The following ADGRE3 variants were observed in gnomAD, a reference collection of about 807,000 sequenced individuals.
ADGRE3 encodes EGF-like module receptor 3.
A neutral mutation model predicts 80.1 loss-of-function variants in ADGRE3; 88 were observed. That is an observed-to-expected ratio of 1.10 (90% CI 0.93 to 1.31). ADGRE3 has a LOEUF of 1.31. ADGRE3 is among the 40% of genes most tolerant of loss of function. ADGRE3 has a pLI of 0.00. For missense variants in ADGRE3, 715 were observed against 776.5 expected (o/e 0.92, Z 0.94); for synonymous variants, 281 against 294.8 (o/e 0.95, Z 0.48).
intron 13 of ADGRE3, among the ~76,000 whole-genome samples, chr19:14,630,932 C>T (rs1391130488): frequency 6.6e-6 from 1 of 151,862 alleles, no homozygotes; most frequent in Non-Finnish European, 1.5e-5. Flanking sequence ...GCTCTGTGGC[C>T]CAGGCTGGAG....
chr19:14,609,565 C>T, the ADGRE3 span, among the ~76,000 whole-genome samples: 93 of 152,210 alleles, frequency 6.1e-4, no homozygotes, highest in African/African-American at 2.2e-3. Context: ...GGGCCAGGCA[C>T]GGTGGCTCGT....
chr19:14,605,245 G>A, the ADGRE3 span, among the ~76,000 whole-genome samples: 1 of 152,030 alleles, frequency 6.6e-6, no homozygotes, highest in Non-Finnish European at 1.5e-5. Flanking sequence ...ATACAGGCAT[G>A]ACACCACGCC....
At chr19:14,645,047 G>T (rs1160119155) in intron 8 of ADGRE3, among the ~76,000 whole-genome samples, 1 of 152,006 alleles carries the variant, frequency 6.6e-6, no homozygotes, top group South Asian at 2.1e-4. Context: ...CGGCCACCAG[G>T]ACCCCCGATC....
At chr19:14,601,379 A>C in the ADGRE3 span, among the ~76,000 whole-genome samples, 16,907 of 152,266 alleles carry the variant, frequency 0.11, 1,070 homozygotes, top group African/African-American at 0.16. Context: ...CCGTGCAACC[A>C]GAAGGAGGAT....
At chr19:14,611,371 C>CT in the ADGRE3 span, among the ~76,000 whole-genome samples, 5,047 of 75,786 alleles carry the variant, frequency 0.067, 192 homozygotes, top group Non-Finnish European at 0.086. Context: ...AACTTCTATC[C>CT]TTTTTTTTTT....
intron 9 of ADGRE3, 60 bp downstream of exon 9, chr19:14,644,048 T>C: frequency 9.0e-7 from 1 of 1,111,304 alleles, no homozygotes; most frequent in Non-Finnish European, 1.2e-6. Flanking sequence ...ATAGCACTTA[T>C]TACCACTTAG....
chr19:14,630,079 C>T lies in ADGRE3; in HGVS notation c.1772G>A (p.Gly591Asp), dbSNP rs779680624. The change falls in exon 14 of 16, where the codon GGC becomes GAC. Residue 591 changes from glycine to aspartate, a missense_variant. By Grantham distance (94) the Gly-to-Asp change is moderately conservative. Transcript: ENST00000253673. ...YLFTIINSLQ[G>D]FFIFLVYCLL... ...GCAGTAGACCAAGAAGATGAAGAAGCCTTGGAGGCTGTTGATGATGGTGAA... is the reference window on the plus strand; with the variant it reads ...GCAGTAGACCAAGAAGATGAAGAAGTCTTGGAGGCTGTTGATGATGGTGAA... 3.7e-6 allele frequency: 6 copies of T among 1,611,534 alleles called. No individual in the cohort carries two copies. Among genetic ancestry groups the T allele is most frequent in the African/African-American group, 2.7e-5 (2 of 74,846 alleles).
At chr19:14,600,135 C>T in the ADGRE3 span, 3 of 1,613,924 alleles carry the variant, frequency 1.9e-6, no homozygotes. Context: ...GATGTTCTGC[C>T]AGGAGAATTA....
intron 7 of ADGRE3, among the ~76,000 whole-genome samples, chr19:14,648,822 T>A (rs1344737314): frequency 1.3e-5 from 2 of 152,094 alleles, no homozygotes; most frequent in Non-Finnish European, 2.9e-5. Context: ...CTACCTTGTG[T>A]CTCCTGCCTG....
At position 14,630,091 on chromosome 19, in the gene ADGRE3, TTGA is replaced by T. The variant is rs776294995; in HGVS notation, c.1757_1759del (p.Ile586del). On this transcript the variant is annotated inframe_deletion, in exon 14 of 16. Coordinates refer to ENST00000253673, the MANE Select transcript of ADGRE3 (RefSeq NM_032571.5). ...GAAGATGAAGAAGCCTTGGAGGCTG[TTGA>T]TGATGGTGAAGAGGTAGGCCATGAC... The T allele has an allele frequency of 1.4e-5, 23 of 1,612,454 alleles. No homozygotes were observed. In the East Asian group the frequency reaches 4.9e-4, roughly 34 times the overall value.
intron 15 of ADGRE3, among the ~76,000 whole-genome samples, chr19:14,620,537 T>TATATATATAATATA (rs1415988959): frequency 1.1e-4 from 2 of 18,450 alleles, no homozygotes; most frequent in African/African-American, 6.1e-4. Context: ...TATATATATT[T>TATATATATAATATA]TATATATATA....
chr19:14,636,004 TCTTTCTTTCTTCCTTC>T (rs1255149583), intron 11 of ADGRE3, among the ~76,000 whole-genome samples: 2 of 74,312 alleles, frequency 2.7e-5, no homozygotes, highest in African/African-American at 1.1e-4. Flanking sequence ...TCTCTCTTTC[TCTTTCTTTCTTCCTTC>T]CTTCCTTCCT....
chr19:14,655,096 G>T lies in ADGRE3; in HGVS notation c.463C>A (p.Gln155Lys). Residue 155 changes from glutamine to lysine, a missense_variant, in exon 6 of 16, where the codon CAA becomes AAA. Transcript: ENST00000253673. ...NQTLWRTEGR[Q>K]EISSTATTIL... ...GTGGTAGCTGTGGATGAGATTTCTT[G>T]TCTCCCTTCTGTTCTCCATAAAGTC... 6.2e-7 allele frequency: 1 copy of T among 1,614,028 alleles called. No homozygotes were observed. The highest frequency in any genetic ancestry group is 8.5e-7 in the Non-Finnish European group (1 of 1,179,944).
At chr19:14,633,052 G>C in intron 12 of ADGRE3, 40 bp from the exon 13 acceptor site, 2 of 1,483,896 alleles carry the variant, frequency 1.3e-6, no homozygotes, top group Non-Finnish European at 1.9e-6. Context: ...GCAAGTTAAA[G>C]TAATGTATGG....
At chr19:14,615,567 C>A (rs1425901709), downstream of ADGRE3, among the ~76,000 whole-genome samples, 1 of 151,878 alleles carries the variant, frequency 6.6e-6, no homozygotes, top group Middle Eastern at 3.2e-3. Flanking sequence ...TCGAGACCAG[C>A]CTGGGCAACA....
chr19:14,659,978 C>T (rs375220070), intron 4 of ADGRE3, among the ~76,000 whole-genome samples: 11 of 152,102 alleles, frequency 7.2e-5, no homozygotes, highest in African/African-American at 2.7e-4. Context: ...TGTTTTAATA[C>T]TGAACATTTT....
At chr19:14,664,614 C>T (rs112672135) in intron 2 of ADGRE3, among the ~76,000 whole-genome samples, 6,365 of 152,068 alleles carry the variant, frequency 0.042, 148 homozygotes, top group East Asian at 0.099. Context: ...GAGGCTGAAG[C>T]GGGAGGATTG....
chr19:14,620,548 T>TAATATATATATATATATATATA, intron 15 of ADGRE3, among the ~76,000 whole-genome samples: 34 of 24,950 alleles, frequency 1.4e-3, no homozygotes, highest in African/African-American at 3.0e-3. Context: ...TATATATATA[T>TAATATATATATATATATATATA]TATATATATA....
intron 7 of ADGRE3, among the ~76,000 whole-genome samples, chr19:14,649,041 T>C (rs973930897): frequency 6.1e-5 from 9 of 148,584 alleles, no homozygotes; most frequent in African/African-American, 2.2e-4. Context: ...TCTTTCCATA[T>C]ATCTCTCCCC....
Sources: gnomAD v4.1 joint callset for allele counts (sites outside exome capture counted in the v4.1 genomes callset) on GRCh38, gnomAD v4.1.1 for gene constraint, MANE v1.5 for transcripts, NCBI Gene and HGNC (gene_info 2026-07-23, HGNC 2026-07-21) for gene names.